ZNF586: variants seen among roughly 807,000 people sequenced by gnomAD.
ZNF586 encodes zinc finger protein 586.
In ZNF586, 7 loss-of-function variants were observed where a neutral mutation model predicts 6.7. The ratio of observed to expected loss-of-function variants is 1.04; its 90% CI spans 0.59 to 1.95. ZNF586 has a LOEUF of 1.95. Ranked by LOEUF, ZNF586 falls within the 30% of genes most tolerant of loss-of-function variation. The pLI, the probability that ZNF586 is intolerant of heterozygous loss-of-function variation, is 0.00. For missense variants in ZNF586, 442 were observed against 489.6 expected, an observed-to-expected ratio of 0.90 and a Z score of 0.92; for synonymous variants, 166 against 168.7, an observed-to-expected ratio of 0.98 and a Z score of 0.12.
At chr19:57,775,100 G>A (rs1987199182) in intron 1 of ZNF586, among the ~76,000 whole-genome samples, 2 of 151,520 alleles carry the variant, frequency 1.3e-5, no homozygotes, top group Admixed American at 6.6e-5. Flanking sequence ...CTGGGTTCAT[G>A]ATTCTCCCGC....
intron 2 of ZNF586, among the ~76,000 whole-genome samples, chr19:57,777,929 G>C (rs1357883340): frequency 6.7e-6 from 1 of 148,352 alleles, no homozygotes; most frequent in Non-Finnish European, 1.5e-5. Flanking sequence ...CTAATTTTTG[G>C]GGTATTTTTA....
intron 2 of ZNF586, 74 bp downstream of exon 2, chr19:57,776,743 A>C: frequency 6.8e-7 from 1 of 1,468,436 alleles, no homozygotes; most frequent in Non-Finnish European, 9.1e-7. Context: ...TCTTTCTCAC[A>C]CCAGGACCAT....
chr19:57,779,034 C>T lies in ZNF586; in HGVS notation c.447C>T (p.Thr149=). Residue 149 remains threonine, a synonymous_variant, in exon 3 of 3, where the codon ACC becomes ACT. Coordinates refer to ENST00000396154, the MANE Select transcript of ZNF586 (RefSeq NM_017652.4). ...AGAGATTTCATACTGGGCAAAAGACCTATGAGTGCAGTGAGTGTGGAAAAT... is the reference window on the plus strand; with the variant it reads ...AGAGATTTCATACTGGGCAAAAGACTTATGAGTGCAGTGAGTGTGGAAAAT... ...IHERFHTGQK[T]YECSECGKSF... is the part of the protein sequence containing the mutation. 1 of 1,613,902 alleles carries T rather than the reference C, an allele frequency of 6.2e-7. No individual in the cohort carries two copies. Among genetic ancestry groups the T allele is most frequent in the Non-Finnish European group, 8.5e-7 (1 of 1,179,992 alleles).
chr19:57,779,360 GAGAAAGGCCTT>G lies in ZNF586; in HGVS notation c.775_785del (p.Glu259Ter). ...ATTAAACACTTGAGAGTTCACACAG[GAGAAAGGCCTT>G]ATGAATGCGTTGAGTGTGGAAAATC... On this transcript the variant is annotated frameshift_variant, in exon 3 of 3. Transcript: ENST00000396154. LOFTEE classifies it low-confidence loss of function (END_TRUNC). 6.2e-7 allele frequency: 1 copy of G among 1,613,186 alleles called. No homozygotes were observed. The highest frequency in any genetic ancestry group is 8.5e-7 in the Non-Finnish European group (1 of 1,179,888).
At chr19:57,770,085 C>G (rs925812396) in intron 1 of ZNF586, among the ~76,000 whole-genome samples, 1 of 151,792 alleles carries the variant, frequency 6.6e-6, no homozygotes, top group South Asian at 2.1e-4. Context: ...GCAGGCGCGA[C>G]TGAGGCAGGA....
Position 57,776,563 on chromosome 19 carries a change from T to C in ZNF586, c.57T>C (p.Asp19=), listed in dbSNP as rs372313208. ...APAQSSVTFE[D]VAVNFSLEEW... is the part of the protein sequence containing the mutation. Reference sequence around the variant, plus strand: ...AACAGAGCAGTGTGACCTTTGAAGATGTGGCTGTAAACTTTTCCCTGGAGG... The same window carrying C: ...AACAGAGCAGTGTGACCTTTGAAGACGTGGCTGTAAACTTTTCCCTGGAGG... The change falls in exon 2 of 3, where the codon GAT becomes GAC. Residue 19 remains aspartate (D), a synonymous_variant. Transcript: ENST00000396154. 121 of 1,613,462 alleles carry C rather than the reference T, an allele frequency of 7.5e-5. No individual in the cohort carries two copies. In the African/African-American group the frequency reaches 1.1e-3, roughly 15 times the overall value.
intron 1 of ZNF586, among the ~76,000 whole-genome samples, chr19:57,775,121 T>C (rs1401185167): frequency 1.3e-5 from 2 of 151,802 alleles, no homozygotes; most frequent in Non-Finnish European, 2.9e-5. Flanking sequence ...CTCAGCCTCC[T>C]GAGTACCTGG....
At chr19:57,769,970 C>G in intron 1 of ZNF586, 92 bp downstream of exon 1, 1 of 1,219,748 alleles carries the variant, frequency 8.2e-7, no homozygotes, top group Non-Finnish European at 1.1e-6. Context: ...GTCCCTGCAG[C>G]CCAGGCCTCT....
chr19:57,778,996 C>T lies in ZNF586; in HGVS notation c.409C>T (p.Leu137Phe), dbSNP rs767980205. The T allele has an allele frequency of 1.8e-5, 29 of 1,614,008 alleles. No homozygotes were observed. Among genetic ancestry groups the T allele is most frequent in the East Asian group, 2.2e-5 (1 of 44,884 alleles). The change falls in exon 3 of 3, where the codon CTC (leucine) becomes TTC (phenylalanine). Residue 137 changes from leucine to phenylalanine, a missense_variant. Transcript: ENST00000396154. ...YGKLFHQKPT[L>F]HIHERFHTGQ... The stretch of plus-strand genomic sequence containing the variant: ...GAAATTATTTCACCAAAAGCCTACA[C>T]TCCATATTCATGAGAGATTTCATAC...
intron 1 of ZNF586, among the ~76,000 whole-genome samples, chr19:57,771,972 G>A (rs1036455240): frequency 1.3e-5 from 2 of 152,040 alleles, no homozygotes; most frequent in African/African-American, 4.8e-5. Context: ...TTACAGGCGC[G>A]CGCCTCCACA....
intron 2 of ZNF586, 131 bp downstream of exon 2, chr19:57,776,800 T>C: frequency 8.7e-7 from 1 of 1,153,868 alleles, no homozygotes; most frequent in Non-Finnish European, 1.2e-6. Context: ...CTGTTGTTGG[T>C]CGGACTGAGG....
rs1427721032 is a variant in ZNF586 at position 57,778,796 on chromosome 19, G to A, written c.209G>A (p.Ser70Asn). The change falls in exon 3 of 3, where the codon AGC becomes AAC. Residue 70 changes from serine to asparagine, a missense_variant. Coordinates refer to ENST00000396154, the MANE Select transcript of ZNF586 (RefSeq NM_017652.4). ...GATGAGGCAGCACCTTCTAAGCAGA[G>A]CACGTGTATACATATATACAAAGAC... ...GEDEAAPSKQ[S>N]TCIHIYKDQG... 1.9e-6 allele frequency: 3 copies of A among 1,613,604 alleles called. No individual in the cohort carries two copies. The highest frequency in any genetic ancestry group is 2.2e-5 in the South Asian group (2 of 90,910).
At chr19:57,770,000 C>T (rs1432192616) in intron 1 of ZNF586, 122 bp downstream of exon 1, 36 of 964,862 alleles carry the variant, frequency 3.7e-5, no homozygotes, top group Non-Finnish European at 4.8e-5. Context: ...GGAGAGGCGC[C>T]GGCGGGTGGG....
chr19:57,769,828 C>CT lies in ZNF586; in HGVS notation c.-15_-14insT, dbSNP rs1017145220. The CT allele has an allele frequency of 1.3e-6, 2 of 1,545,778 alleles. No individual in the cohort carries two copies. Among genetic ancestry groups the CT allele is most frequent in the Admixed American group, 2.0e-5 (1 of 50,978 alleles). ...GGAACACCGCCGAGCCCGCGTTCCCCCCCCGCCCAGAGTCATGGCGGCAGC... is the reference window on the plus strand; with the variant it reads ...GGAACACCGCCGAGCCCGCGTTCCCCTCCCCGCCCAGAGTCATGGCGGCAGC... On this transcript the variant is annotated 5_prime_UTR_variant, in exon 1 of 3. Coordinates refer to ENST00000396154, the MANE Select transcript of ZNF586 (RefSeq NM_017652.4).
intron 1 of ZNF586, among the ~76,000 whole-genome samples, chr19:57,775,266 A>G (rs916719229): frequency 4.6e-5 from 7 of 152,138 alleles, no homozygotes; most frequent in African/African-American, 1.4e-4. Context: ...AAGTGCAGGG[A>G]TTATAGGCGT....
intron 1 of ZNF586, 131 bp from the exon 2 acceptor site, chr19:57,776,412 G>A: frequency 2.6e-6 from 3 of 1,159,516 alleles, no homozygotes; most frequent in Non-Finnish European, 3.6e-6. Flanking sequence ...GGCACTAGTG[G>A]GCAAAATTTC....
chr19:57,770,477 G>C (rs1987068877), intron 1 of ZNF586, among the ~76,000 whole-genome samples: 1 of 152,186 alleles, frequency 6.6e-6, no homozygotes. Context: ...TTGACTGTGA[G>C]GACGCTAAAA....
chr19:57,775,999 G>A (rs766974807), intron 1 of ZNF586, among the ~76,000 whole-genome samples: 29 of 152,194 alleles, frequency 1.9e-4, no homozygotes, highest in Non-Finnish European at 3.2e-4. Context: ...ATGAACTTTC[G>A]TGATGACTTG....
intron 1 of ZNF586, chr19:57,774,910 A>G (rs1224381837): frequency 5.2e-6 from 1 of 191,940 alleles, no homozygotes; most frequent in African/African-American, 2.4e-5. Flanking sequence ...TCTTTGGGAT[A>G]ATGTGTCCTA....
Sources: allele counts gnomAD v4.1 joint callset (sites outside exome capture counted in the v4.1 genomes callset), GRCh38; gene constraint gnomAD v4.1.1; transcripts MANE v1.5; gene names NCBI Gene and HGNC (gene_info 2026-07-23, HGNC 2026-07-21).